Variants in RNF14 observed in about 807,000 individuals in gnomAD.
The protein encoded by RNF14 is ring finger protein 14.
In RNF14, 26 loss-of-function variants were observed where a neutral mutation model predicts 52.6. The ratio of observed to expected loss-of-function variants is 0.49; its 90% CI spans 0.36 to 0.69. The LOEUF (loss-of-function observed/expected upper bound fraction) is 0.69. Among genes scored for constraint, RNF14 ranks in the 30% least tolerant of loss-of-function variants. RNF14 has a pLI of 0.00. For missense variants in RNF14, 404 were observed against 560.4 expected (o/e 0.72, Z 2.82); for synonymous variants, 194 against 202.0 (o/e 0.96, Z 0.34).
chr5:141,960,567 C>T (rs534459881), intron 1 of RNF14, among the ~76,000 whole-genome samples: 4 of 152,232 alleles, frequency 2.6e-5, no homozygotes, highest in African/African-American at 9.6e-5. Flanking sequence ...GGCCTGGGTT[C>T]CCATGGCTAA....
At chr5:141,977,045 C>A (rs909301507) in intron 4 of RNF14, among the ~76,000 whole-genome samples, 5 of 152,218 alleles carry the variant, frequency 3.3e-5, no homozygotes, top group African/African-American at 1.2e-4. Flanking sequence ...CCCGCCTTGG[C>A]CTCCCAGAGT....
At chr5:141,962,126 ACT>A (rs1753279495), upstream of RNF14, among the ~76,000 whole-genome samples, 1 of 152,138 alleles carries the variant, frequency 6.6e-6, no homozygotes, top group Admixed American at 6.5e-5. Flanking sequence ...TGACTGGGAG[ACT>A]CAGGTAGATG....
At chr5:141,955,520 C>T (rs146335324), upstream of RNF14, 607 of 1,614,030 alleles carry the variant, frequency 3.8e-4, 1 homozygote, top group Non-Finnish European at 5.0e-4. The surrounding 1 kb of genome is among the most constrained non-coding windows in gnomAD (Gnocchi z 5.5). Context: ...AGCACAGGCA[C>T]GAGGTGGATG....
At chr5:141,972,190 G>A (rs1753839475) in intron 2 of RNF14, among the ~76,000 whole-genome samples, 1 of 151,538 alleles carries the variant, frequency 6.6e-6, no homozygotes. Flanking sequence ...GAGCAATTTT[G>A]CCTCCAACCC....
upstream of RNF14, chr5:141,957,855 T>A: frequency 6.3e-7 from 1 of 1,595,162 alleles, no homozygotes. The surrounding 1 kb of genome is among the most constrained non-coding windows in gnomAD (Gnocchi z 4.3). Context: ...GCATCATGCT[T>A]ACCGCCAAGT....
At chr5:141,973,202 G>A (rs948058154) in intron 2 of RNF14, among the ~76,000 whole-genome samples, 3 of 150,512 alleles carry the variant, frequency 2.0e-5, no homozygotes, top group African/African-American at 7.3e-5. Context: ...GTTGTTTTTT[G>A]TGCCATTAAG....
At chr5:141,961,913 C>G (rs1171056919), upstream of RNF14, among the ~76,000 whole-genome samples, 2 of 152,200 alleles carry the variant, frequency 1.3e-5, no homozygotes, top group Non-Finnish European at 2.9e-5. Flanking sequence ...GGCTGCCCCA[C>G]TTCCAGGGCT....
At chr5:141,980,991 A>G (rs992217749) in intron 6 of RNF14, among the ~76,000 whole-genome samples, 5 of 152,286 alleles carry the variant, frequency 3.3e-5, no homozygotes, top group African/African-American at 1.2e-4. Flanking sequence ...CAGGAGTGAA[A>G]TGTGTTTGCC....
chr5:141,980,240 G>A lies in RNF14; in HGVS notation c.952G>A (p.Val318Met), dbSNP rs778906911. The change falls in exon 6 of 9, where the codon GTG becomes ATG. Residue 318 changes from valine (V) to methionine (M), a missense_variant. Transcript: ENST00000394520. ...CCCCCGGCCGTGCTGCCAGCTGCCT[G>A]TGATGCAGGAACCTGGCTGCACCAT... ...YCPRPCCQLP[V>M]MQEPGCTMGI... 1.2e-6 allele frequency: 2 copies of A among 1,614,152 alleles called. No individual in the cohort carries two copies. The highest frequency in any genetic ancestry group is 1.3e-5 in the African/African-American group (1 of 74,944).
chr5:141,951,139 G>A, the RNF14 span, among the ~76,000 whole-genome samples: 1 of 152,152 alleles, frequency 6.6e-6, no homozygotes, highest in Non-Finnish European at 1.5e-5. Context: ...TTATGTTTAT[G>A]GGTCAAGAGA....
upstream of RNF14, chr5:141,955,790 G>C: frequency 6.2e-7 from 1 of 1,613,738 alleles, no homozygotes; most frequent in East Asian, 2.2e-5. The surrounding 1 kb of genome is among the most constrained non-coding windows in gnomAD (Gnocchi z 5.5). Context: ...AACAGGGCTC[G>C]GGTCTGTAAG....
At chr5:141,979,966 G>A (rs1754618599) in intron 5 of RNF14, among the ~76,000 whole-genome samples, 157 bp from the exon 6 acceptor site, 1 of 152,186 alleles carries the variant, frequency 6.6e-6, no homozygotes, top group Non-Finnish European at 1.5e-5. Context: ...CCCTATAATT[G>A]TCATCTCAGT....
Position 141,987,835 on chromosome 5 carries a change from C to A in RNF14, c.*45C>A. ...TGGAAGTGGATTGTTTTTCCCTAAT[C>A]TTCCGTCAAGTACACAAAGTAACTT... On this transcript the variant is annotated 3_prime_UTR_variant, in exon 9 of 9. Transcript: ENST00000394520. The A allele has an allele frequency of 6.4e-7, 1 of 1,565,770 alleles. No homozygotes were observed. The highest frequency in any genetic ancestry group is 8.8e-7 in the Non-Finnish European group (1 of 1,137,750).
At chr5:141,960,232 A>G (rs529109653) in intron 1 of RNF14, among the ~76,000 whole-genome samples, 1 of 152,336 alleles carries the variant, frequency 6.6e-6, no homozygotes, top group African/African-American at 2.4e-5. Context: ...TGTGCCTGAC[A>G]GTGAACAAGG....
chr5:141,975,795 C>T (rs1053632557), intron 4 of RNF14, among the ~76,000 whole-genome samples: 11 of 151,906 alleles, frequency 7.2e-5, no homozygotes, highest in African/African-American at 1.5e-4. Context: ...TGTGGTGGTG[C>T]GTCCCTGTAA....
In RNF14 at chr5:141,987,715, C is replaced by G. The variant is rs567177882; in HGVS notation, c.1368-18C>G. 1 of 1,613,040 alleles carries G rather than the reference C, an allele frequency of 6.2e-7. No homozygotes were observed. Among genetic ancestry groups the G allele is most frequent in the Admixed American group, 1.7e-5 (1 of 59,916 alleles). ...TTCGTTCAAGTGTATAAAAATGTAC[C>G]TTTTTTAATGCTTCCAGGCTGTTTT... On this transcript the variant is annotated intron_variant, in intron 8 of 8. Coordinates refer to ENST00000394520, the MANE Select transcript of RNF14 (RefSeq NM_004290.5).
rs1754450176 is a variant in RNF14 at position 141,978,402 on chromosome 5, G to C, written c.406G>C (p.Ala136Pro). 6.2e-7 allele frequency: 1 copy of C among 1,614,172 alleles called. No individual in the cohort carries two copies. The part of the protein sequence containing the change: ...WMQFLKEETL[A>P]YLNIVSPFEL... ...GCAATTTCTTAAGGAAGAGACCCTA[G>C]CATACTTGAATATTGTCTCTCCTTT... The change falls in exon 5 of 9, where the codon GCA becomes CCA. Residue 136 changes from alanine (A) to proline (P), a missense_variant. By Grantham distance (27) the Ala-to-Pro change is conservative (BLOSUM62 -1). Transcript: ENST00000394520.
At chr5:141,956,866 G>A (rs766711726), upstream of RNF14, 4 of 1,614,192 alleles carry the variant, frequency 2.5e-6, no homozygotes, top group South Asian at 4.4e-5. Context: ...GATAGGATTG[G>A]GACCCAGGTC....
upstream of RNF14, chr5:141,956,012 G>A (rs749199639): frequency 1.4e-5 from 23 of 1,614,024 alleles, no homozygotes; most frequent in Admixed American, 5.0e-5. Flanking sequence ...AGGAATGGCC[G>A]GGAGCTGTGA....
Sources: gnomAD v4.1 joint callset for allele counts (sites outside exome capture counted in the v4.1 genomes callset) on GRCh38, gnomAD v4.1.1 for gene constraint, Gnocchi (gnomAD v3.1) non-coding constraint, MANE v1.5 for transcripts, NCBI Gene and HGNC (gene_info 2026-07-23, HGNC 2026-07-21) for gene names.